The following SNX25 variants were observed in gnomAD, a reference collection of about 807,000 sequenced individuals.
SNX25 encodes sorting nexin 25.
In SNX25, 62 loss-of-function variants were observed where a neutral mutation model predicts 113.7. That is an observed-to-expected ratio of 0.55 (90% CI 0.44 to 0.67). SNX25 has a LOEUF of 0.67. SNX25 is among the 30% of genes least tolerant of loss of function. The probability of loss-of-function intolerance (pLI) is 0.00; values close to 1 mark genes in which losing one functional copy is unlikely to be tolerated. For missense variants in SNX25, 1,014 were observed against 1,161.0 expected, an observed-to-expected ratio of 0.87 and a Z score of 1.84; for synonymous variants, 421 against 436.2, an observed-to-expected ratio of 0.97 and a Z score of 0.43.
chr4:185,269,967 A>C (rs1244733088), intron 5 of SNX25, among the ~76,000 whole-genome samples: 1 of 152,170 alleles, frequency 6.6e-6, no homozygotes, highest in Non-Finnish European at 1.5e-5. Flanking sequence ...TGTAAGATGA[A>C]TGAATCTTGA....
intron 3 of SNX25, among the ~76,000 whole-genome samples, chr4:185,263,345 T>C (rs1747592839): frequency 1.3e-5 from 2 of 152,224 alleles, no homozygotes; most frequent in Non-Finnish European, 2.9e-5. Context: ...TCTTACTATA[T>C]TGAAATATCA....
At chr4:185,311,645 T>C (rs1335717893) in intron 7 of SNX25, among the ~76,000 whole-genome samples, 1 of 152,250 alleles carries the variant, frequency 6.6e-6, no homozygotes, top group Non-Finnish European at 1.5e-5. Context: ...ACTGGTATAA[T>C]GTAACTCAAG....
chr4:185,231,826 A>G (rs1741921145), intron 1 of SNX25, among the ~76,000 whole-genome samples: 1 of 152,192 alleles, frequency 6.6e-6, no homozygotes, highest in African/African-American at 2.4e-5. Flanking sequence ...GGAGTAAATA[A>G]CTTTTACTCA....
chr4:185,325,307 G>A (rs979625104), intron 9 of SNX25, among the ~76,000 whole-genome samples: 8 of 152,116 alleles, frequency 5.3e-5, no homozygotes, highest in Non-Finnish European at 1.0e-4. Flanking sequence ...GCTGAGGTGG[G>A]TGGATCATGA....
intron 1 of SNX25, among the ~76,000 whole-genome samples, chr4:185,212,465 G>T (rs3112885): frequency 0.34 from 11,319 of 33,616 alleles, 880 homozygotes; most frequent in African/African-American, 0.38. Context: ...TTTGTGTGAT[G>T]TGTGTGTGTG....
At chr4:185,342,680 A>G (rs1260526665) in intron 12 of SNX25, among the ~76,000 whole-genome samples, 2 of 149,948 alleles carry the variant, frequency 1.3e-5, no homozygotes, top group African/African-American at 2.5e-5. Flanking sequence ...CAAGGGAGGC[A>G]TTAAGGCGCG....
chr4:185,362,931 C>T (rs191232380), intron 18 of SNX25, among the ~76,000 whole-genome samples: 8 of 151,300 alleles, frequency 5.3e-5, no homozygotes. Context: ...CAACCTCTGC[C>T]TGCTGGGTTC....
intron 1 of SNX25, among the ~76,000 whole-genome samples, chr4:185,240,743 C>T (rs553524442): frequency 1.4e-4 from 22 of 151,954 alleles, no homozygotes; most frequent in South Asian, 2.1e-4. Context: ...CGGGCGGAGA[C>T]GCTCCTCACT....
intron 1 of SNX25, among the ~76,000 whole-genome samples, chr4:185,241,038 C>T (rs1405819233): frequency 1.3e-5 from 2 of 150,760 alleles, no homozygotes; most frequent in South Asian, 2.1e-4. Context: ...AGACGATGGG[C>T]GGCCAGGCAG....
downstream of SNX25, chr4:185,374,106 C>T (rs977858308): frequency 6.5e-7 from 1 of 1,550,056 alleles, no homozygotes; most frequent in Non-Finnish European, 8.9e-7. Flanking sequence ...CTAAATATAA[C>T]ACTAGCATTA....
chr4:185,230,679 G>C (rs573158741), intron 1 of SNX25, among the ~76,000 whole-genome samples: 1 of 151,810 alleles, frequency 6.6e-6, no homozygotes, highest in Non-Finnish European at 1.5e-5. Flanking sequence ...GATTACAGGC[G>C]TGAGCCACTG....
chr4:185,229,032 G>A (rs767235890), intron 1 of SNX25, among the ~76,000 whole-genome samples: 18 of 152,178 alleles, frequency 1.2e-4, no homozygotes, highest in Admixed American at 2.0e-4. Context: ...GCAAAGGTAC[G>A]TGGGCTGAGT....
rs145948519 is a variant in SNX25 at position 185,327,398 on chromosome 4, G to A, written c.1749+3598G>A. ...TTAAATTGTACAACATTTGTTGTAT[G>A]AATTCCCTTTTATAAAATTTTTCAT... is the stretch of plus-strand genomic sequence containing the variant. On this transcript the variant is annotated intron_variant, in intron 9 of 18. Transcript: ENST00000652585. Among the ~76,000 whole-genome samples, 490 of 152,264 alleles carry A rather than the reference G, an allele frequency of 3.2e-3. 2 individuals carry two copies. The highest frequency in any genetic ancestry group is 0.014 in the Middle Eastern group (4 of 294).
At chr4:185,375,575 A>G in the SNX25 span, 1 of 1,114,644 alleles carries the variant, frequency 9.0e-7, no homozygotes, top group African/African-American at 1.7e-5. Flanking sequence ...TCCACTGACA[A>G]TGAAATCTTA....
At chr4:185,372,935 T>G, downstream of SNX25, 3 of 1,613,998 alleles carry the variant, frequency 1.9e-6, no homozygotes, top group Non-Finnish European at 2.5e-6. Context: ...GCATAGACGT[T>G]TCCGCGTTCT....
intron 10 of SNX25, among the ~76,000 whole-genome samples, chr4:185,333,141 A>G (rs1359022238): frequency 6.6e-6 from 1 of 152,250 alleles, no homozygotes; most frequent in Non-Finnish European, 1.5e-5. Flanking sequence ...GGAACCTTAC[A>G]GTATTGTTCA....
chr4:185,274,380 ACCTT>A lies in SNX25; in HGVS notation c.1091+7226_1091+7229del, dbSNP rs1035941875. 2.0e-5 allele frequency among the ~76,000 whole-genome samples: 3 copies of A among 152,198 alleles called. No individual in the cohort carries two copies. The East Asian group carries it at 5.8e-4, about 29-fold the overall frequency. On this transcript the variant is annotated intron_variant, in intron 5 of 18. Coordinates refer to ENST00000652585, the MANE Select transcript of SNX25 (RefSeq NM_001378034.2). ...AGCCAACACTGGCTGTCTTTTAAGG[ACCTT>A]TCTGGAAACTACTGCATGGTATTTC... is the stretch of plus-strand genomic sequence containing the variant.
At chr4:185,219,651 A>AT (rs1424156830) in intron 1 of SNX25, among the ~76,000 whole-genome samples, 6 of 152,178 alleles carry the variant, frequency 3.9e-5, no homozygotes, top group Non-Finnish European at 8.8e-5. Context: ...TGAAGGCAGC[A>AT]TCTTCTTTTT....
chr4:185,248,637 A>G (rs1745191927), intron 2 of SNX25, among the ~76,000 whole-genome samples: 1 of 152,222 alleles, frequency 6.6e-6, no homozygotes, highest in Non-Finnish European at 1.5e-5. Context: ...TGGGCAACAC[A>G]ATGAGACTCT....
Sources: allele counts gnomAD v4.1 joint callset (sites outside exome capture counted in the v4.1 genomes callset), GRCh38; gene constraint gnomAD v4.1.1; transcripts MANE v1.5; gene names NCBI Gene and HGNC (gene_info 2026-07-23, HGNC 2026-07-21).